Variants in KAZN observed in about 807,000 individuals in gnomAD.
KAZN encodes the protein kazrin, periplakin interacting protein, also known as kazrin.
KAZN carries 40 observed loss-of-function variants against 87.4 expected under a neutral mutation model. That is an observed-to-expected ratio of 0.46 (90% confidence interval 0.36 to 0.60). The LOEUF (loss-of-function observed/expected upper bound fraction) is 0.60. KAZN is among the 20% of genes least tolerant of loss of function. The probability of loss-of-function intolerance (pLI) is 0.00; values close to 1 mark genes in which losing one functional copy is unlikely to be tolerated. For synonymous variants in KAZN, 466 were observed against 458.3 expected (o/e 1.02, Z -0.22); for missense variants, 898 against 1,073.9 (o/e 0.84, Z 2.29).
intron 1 of KAZN, among the ~76,000 whole-genome samples, chr1:14,759,280 G>A (rs367698783): frequency 4.6e-5 from 7 of 152,122 alleles, no homozygotes; most frequent in African/African-American, 1.4e-4. Context: ...TGAGAGCATC[G>A]CACCGTGGCT....
intron 1 of KAZN, among the ~76,000 whole-genome samples, chr1:14,755,684 C>A (rs1450327472): frequency 6.6e-6 from 1 of 152,160 alleles, no homozygotes; most frequent in Non-Finnish European, 1.5e-5. Flanking sequence ...AGGGCAGCCC[C>A]TTCCTGGCCT....
chr1:14,837,259 T>A (rs991287948), intron 1 of KAZN, among the ~76,000 whole-genome samples: 1 of 151,198 alleles, frequency 6.6e-6, no homozygotes, highest in African/African-American at 2.4e-5. Flanking sequence ...AGTGCAATAG[T>A]GCGGTCTTGG....
intron 8 of KAZN, among the ~76,000 whole-genome samples, chr1:15,075,874 G>A (rs765414346): frequency 2.0e-5 from 3 of 152,218 alleles, no homozygotes; most frequent in African/African-American, 4.8e-5. Flanking sequence ...CAGGGGATGG[G>A]CATGTCCATG....
chr1:15,046,903 C>G (rs1443199864), intron 4 of KAZN, among the ~76,000 whole-genome samples: 1 of 152,206 alleles, frequency 6.6e-6, no homozygotes. Flanking sequence ...GCCTTGTGGA[C>G]AGACAGATAT....
At chr1:13,964,469 T>C (rs2101032875) in intron 1 of KAZN, among the ~76,000 whole-genome samples, 1 of 152,316 alleles carries the variant, frequency 6.6e-6, no homozygotes, top group East Asian at 1.9e-4. Context: ...CGCAATAGGC[T>C]GGGTTCAGCT....
upstream of KAZN, among the ~76,000 whole-genome samples, chr1:14,598,200 G>A (rs1290017388): frequency 6.6e-6 from 1 of 152,136 alleles, no homozygotes; most frequent in Non-Finnish European, 1.5e-5. This position sits in a 1 kb window ranked among gnomAD's most constrained non-coding sequence, Gnocchi z 4.2. Context: ...GTGGGGGGTG[G>A]AGAGTGAGAG....
chr1:14,861,430 T>G (rs1222645666), intron 1 of KAZN, among the ~76,000 whole-genome samples: 1 of 152,106 alleles, frequency 6.6e-6, no homozygotes, highest in Non-Finnish European at 1.5e-5. Context: ...ACCAACCTAA[T>G]AGAAATAGCA....
At chr1:14,528,110 A>G (rs1343205373) in intron 2 of KAZN, among the ~76,000 whole-genome samples, 1 of 151,764 alleles carries the variant, frequency 6.6e-6, no homozygotes, top group East Asian at 1.9e-4. Context: ...TGTGGTTAGC[A>G]CAGGCTTCCT....
At chr1:14,465,253 G>T (rs979673194) in intron 2 of KAZN, among the ~76,000 whole-genome samples, 1 of 151,898 alleles carries the variant, frequency 6.6e-6, no homozygotes, top group African/African-American at 2.4e-5. Context: ...CAAAAAATTG[G>T]CCAGGCATGG....
At chr1:15,011,614 G>T (rs182648294) in intron 2 of KAZN, among the ~76,000 whole-genome samples, 1 of 152,316 alleles carries the variant, frequency 6.6e-6, no homozygotes, top group Admixed American at 6.5e-5. Context: ...GACTTGAAGT[G>T]TTTTTGTTTC....
chr1:14,457,988 T>TTG (rs1297062273), intron 2 of KAZN, among the ~76,000 whole-genome samples: 6 of 152,036 alleles, frequency 3.9e-5, no homozygotes, highest in Admixed American at 1.3e-4. Flanking sequence ...TGGCTAATTT[T>TTG]TGTGTGTGTG....
chr1:14,648,381 A>C (rs768280827), intron 1 of KAZN, among the ~76,000 whole-genome samples: 2 of 152,248 alleles, frequency 1.3e-5, no homozygotes, highest in Non-Finnish European at 2.9e-5. Flanking sequence ...CTAAATGAGA[A>C]ACATTTGAAA....
intron 2 of KAZN, among the ~76,000 whole-genome samples, chr1:14,412,746 TTATAA>T (rs1664407477): frequency 6.6e-6 from 1 of 151,622 alleles, no homozygotes; most frequent in African/African-American, 2.4e-5. Flanking sequence ...AAGAATAGAA[TTATAA>T]TAAAATAATT....
At chr1:14,868,932 T>G (rs371141858) in intron 1 of KAZN, among the ~76,000 whole-genome samples, 2 of 151,286 alleles carry the variant, frequency 1.3e-5, no homozygotes, top group South Asian at 2.1e-4. Context: ...GGCGGGGGGG[T>G]GCATCTGTTC....
At chr1:14,194,988 C>G (rs769431433) in intron 2 of KAZN, among the ~76,000 whole-genome samples, 1 of 152,144 alleles carries the variant, frequency 6.6e-6, no homozygotes, top group Admixed American at 6.5e-5. Context: ...GTATAGTTCT[C>G]ATTTTCAAGG....
intron 2 of KAZN, among the ~76,000 whole-genome samples, chr1:14,252,773 A>T (rs944090498): frequency 3.3e-5 from 5 of 152,194 alleles, no homozygotes; most frequent in Non-Finnish European, 5.9e-5. Flanking sequence ...ATAAATCCCC[A>T]CGTCTCAAGG....
At chr1:14,315,181 G>T (rs1655571398) in intron 2 of KAZN, among the ~76,000 whole-genome samples, 1 of 151,944 alleles carries the variant, frequency 6.6e-6, no homozygotes, top group East Asian at 1.9e-4. Context: ...TTATTCCCTT[G>T]TTCTTTATCT....
chr1:14,100,197 C>T (rs184438906), intron 1 of KAZN, among the ~76,000 whole-genome samples: 205 of 152,332 alleles, frequency 1.3e-3, no homozygotes, highest in African/African-American at 4.7e-3. Context: ...CCTTAATAAA[C>T]AGCCCTTTAT....
chr1:14,751,046 G>A (rs1191814042), intron 1 of KAZN, among the ~76,000 whole-genome samples: 3 of 152,180 alleles, frequency 2.0e-5, no homozygotes, highest in Non-Finnish European at 4.4e-5. Flanking sequence ...TAGACTCTGG[G>A]CCTCCTTCCT....
Sources: allele counts gnomAD v4.1 joint callset (sites outside exome capture counted in the v4.1 genomes callset), GRCh38; gene constraint gnomAD v4.1.1; non-coding constraint Gnocchi (gnomAD v3.1); transcripts MANE v1.5; gene names NCBI Gene and HGNC (gene_info 2026-07-23, HGNC 2026-07-21).